Variants in FNIP1 observed in about 807,000 individuals in gnomAD.
FNIP1 encodes folliculin interacting protein 1, also known as folliculin-interacting protein 1.
Under a neutral mutation model 124.5 loss-of-function variants are expected in FNIP1, and 40 were observed. The ratio of observed to expected loss-of-function variants is 0.32; its 90% CI spans 0.25 to 0.42. FNIP1 has a LOEUF of 0.42. Among genes scored for constraint, FNIP1 ranks in the 10% least tolerant of loss-of-function variants. FNIP1 has a pLI of 1.00. For missense variants in FNIP1, 1,176 were observed against 1,403.7 expected (o/e 0.84, Z 2.59); for synonymous variants, 472 against 470.6 (o/e 1.00, Z -0.04).
Position 131,672,509 on chromosome 5 carries a change from A to C in FNIP1, c.1935T>G (p.Asp645Glu). Reference protein sequence around the residue: ...NSSKELLGISDECQMISPSDC... With the variant: ...NSSKELLGISEECQMISPSDC... ...CAGAAGGAGAAATCATCTGGCACTC[A>C]TCTGAAATTCCTAGCAGCTCCTTAG... The change falls in exon 14 of 18, where the codon GAT (aspartate) becomes GAG (glutamate). Residue 645 changes from aspartate (D) to glutamate (E), a missense_variant. By Grantham distance (45) the Asp-to-Glu change is conservative (BLOSUM62 2). Around this residue, in one of 2 missense-constraint regions of FNIP1, gnomAD observed 1,109 missense variants for 1,288.5 expected, o/e 0.86. Coordinates refer to ENST00000510461, the MANE Select transcript of FNIP1 (RefSeq NM_133372.3). The C allele has an allele frequency of 6.2e-7, 1 of 1,613,728 alleles. No homozygotes were observed. Among genetic ancestry groups the C allele is most frequent in the Non-Finnish European group, 8.5e-7 (1 of 1,180,032 alleles).
At chr5:131,734,668 T>C (rs1770225042) in intron 2 of FNIP1, among the ~76,000 whole-genome samples, 2 of 152,208 alleles carry the variant, frequency 1.3e-5, no homozygotes, top group Admixed American at 6.5e-5. Flanking sequence ...AACAGACACC[T>C]CTCAAAAGAA....
chr5:131,687,047 G>A (rs1446109790), intron 11 of FNIP1, among the ~76,000 whole-genome samples: 16 of 144,752 alleles, frequency 1.1e-4, no homozygotes, highest in African/African-American at 4.0e-4. Context: ...ATAGGTTTAT[G>A]ATGTAATTTA....
intron 1 of FNIP1, among the ~76,000 whole-genome samples, chr5:131,781,620 A>C (rs1264139425): frequency 6.6e-6 from 1 of 152,256 alleles, no homozygotes; most frequent in Non-Finnish European, 1.5e-5. Flanking sequence ...GCATGGTTTA[A>C]CTGAGTATTT....
chr5:131,693,319 CATATATATATATACATATATATAT>C (rs1370495278), intron 11 of FNIP1, among the ~76,000 whole-genome samples: 3 of 41,624 alleles, frequency 7.2e-5, no homozygotes, highest in Admixed American at 3.8e-4. Flanking sequence ...TATATATACA[CATATATATATATACATATATATAT>C]ATATATATAT....
chr5:131,679,006 A>G (rs762039049), intron 12 of FNIP1, 23 bp downstream of exon 12: 1 of 1,522,360 alleles, frequency 6.6e-7, no homozygotes, highest in Non-Finnish European at 9.0e-7. Context: ...CTAGATATCT[A>G]GTTATAATAA....
Position 131,796,964 on chromosome 5 carries a change from T to A in FNIP1, c.-43A>T. The A allele has an allele frequency of 6.5e-7, 1 of 1,539,834 alleles. No individual in the cohort carries two copies. The highest frequency in any genetic ancestry group is 8.8e-7 in the Non-Finnish European group (1 of 1,134,152). On this transcript the variant is annotated 5_prime_UTR_variant, in exon 1 of 18. Transcript: ENST00000510461. ...AGGGGTCGCTCCGCTGGGCGCTTGC[T>A]AGGCCCCTGCTCCTACAGCCGCCCC...
chr5:131,674,060 TAAAA>T (rs1402334636), intron 13 of FNIP1, among the ~76,000 whole-genome samples: 1 of 151,572 alleles, frequency 6.6e-6, no homozygotes, highest in Non-Finnish European at 1.5e-5. Flanking sequence ...TAATAAAAAA[TAAAA>T]AGAAATAAAA....
intron 2 of FNIP1, among the ~76,000 whole-genome samples, chr5:131,738,168 T>C (rs1770378566): frequency 6.6e-6 from 1 of 152,026 alleles, no homozygotes; most frequent in African/African-American, 2.4e-5. Context: ...CCAGCTTCAG[T>C]ATAGTTTTGA....
At chr5:131,747,384 C>A (rs1284665751) in intron 1 of FNIP1, among the ~76,000 whole-genome samples, 1 of 152,172 alleles carries the variant, frequency 6.6e-6, no homozygotes, top group African/African-American at 2.4e-5. Context: ...TAGTAAATGT[C>A]TGTGTGCTAG....
chr5:131,778,153 G>A (rs906569957), intron 1 of FNIP1, among the ~76,000 whole-genome samples: 1 of 151,984 alleles, frequency 6.6e-6, no homozygotes, highest in Non-Finnish European at 1.5e-5. Context: ...GAGCCTGGGA[G>A]TTCAAGATTA....
intron 11 of FNIP1, among the ~76,000 whole-genome samples, chr5:131,681,339 A>T (rs770993337): frequency 6.6e-6 from 1 of 152,166 alleles, no homozygotes; most frequent in Non-Finnish European, 1.5e-5. Context: ...CACTGCCCTG[A>T]AGTGAAGGTC....
chr5:131,748,522 T>C (rs1770760087), intron 1 of FNIP1, among the ~76,000 whole-genome samples: 1 of 151,798 alleles, frequency 6.6e-6, no homozygotes, highest in Admixed American at 6.6e-5. Context: ...TGAAACCCTG[T>C]CTCTACTAAA....
chr5:131,731,158 T>C (rs1465778499), intron 2 of FNIP1, 120 bp from the exon 3 acceptor site: 3 of 829,768 alleles, frequency 3.6e-6, no homozygotes, highest in African/African-American at 3.5e-5. Context: ...ACAACATTAA[T>C]ATGGCTATTG....
chr5:131,697,198 A>T (rs1193114758), intron 11 of FNIP1, among the ~76,000 whole-genome samples: 1 of 152,208 alleles, frequency 6.6e-6, no homozygotes, highest in Non-Finnish European at 1.5e-5. Context: ...AATAAAAAAA[A>T]TGTAGTTTTT....
chr5:131,704,167 C>G lies in FNIP1; in HGVS notation c.1014G>C (p.Leu338Phe). Reference protein sequence around the residue: ...KKIAIGVIFSLSKDEDENNKF... With the variant: ...KKIAIGVIFSFSKDEDENNKF... Reference sequence around the variant, plus strand: ...TGTTATTTTCATCTTCATCTTTGGACAATGAAAAGATTACCCCAATTGCAA... The same window carrying G: ...TGTTATTTTCATCTTCATCTTTGGAGAATGAAAAGATTACCCCAATTGCAA... Residue 338 changes from leucine to phenylalanine, a missense_variant, in exon 10 of 18, where the codon TTG (leucine) becomes TTC (phenylalanine). Coordinates refer to ENST00000510461, the MANE Select transcript of FNIP1 (RefSeq NM_133372.3). The G allele has an allele frequency of 6.2e-7, 1 of 1,612,964 alleles. No individual in the cohort carries two copies. Among genetic ancestry groups the G allele is most frequent in the Non-Finnish European group, 8.5e-7 (1 of 1,179,122 alleles).
intron 15 of FNIP1, among the ~76,000 whole-genome samples, chr5:131,659,884 T>C (rs919858399): frequency 6.6e-6 from 1 of 152,204 alleles, no homozygotes; most frequent in Non-Finnish European, 1.5e-5. Context: ...GTCATCCCAG[T>C]TGGTGATGAT....
rs568352435 is a variant in FNIP1, at chr5:131,672,008, G to A, written c.2436C>T (p.Asn812=). 4.3e-6 allele frequency: 7 copies of A among 1,614,184 alleles called. No homozygotes were observed. Among genetic ancestry groups the A allele is most frequent in the Non-Finnish European group, 5.1e-6 (6 of 1,180,026 alleles). The change falls in exon 14 of 18, where the codon AAC becomes AAT. Residue 812 remains asparagine (N), a synonymous_variant. Transcript: ENST00000510461. ...KDQSGESDTQ[N]MVSEEPCELP... is the part of the protein sequence containing the mutation. ...GTTCACAGGGCTCTTCAGAAACCAT[G>A]TTCTGTGTATCAGACTCTCCAGATT... is the stretch of plus-strand genomic sequence containing the variant.
At chr5:131,715,592 CTT>C (rs1222867461) in intron 6 of FNIP1, among the ~76,000 whole-genome samples, 1 of 152,076 alleles carries the variant, frequency 6.6e-6, no homozygotes, top group Non-Finnish European at 1.5e-5. Flanking sequence ...TTCGTTATTT[CTT>C]TGTCACATTT....
chr5:131,732,668 T>TGC lies in FNIP1; in HGVS notation c.220-1631_220-1630insGC, dbSNP rs1380685772. Reference sequence around the variant, plus strand: ...TGTGTGGTATTATTTCTGAGGGCTCTTTACTGTTCCATTGGTCTGTATCTC... The same window carrying TGC: ...TGTGTGGTATTATTTCTGAGGGCTCTGCTTACTGTTCCATTGGTCTGTATCTC... On this transcript the variant is annotated intron_variant, in intron 2 of 17. Transcript: ENST00000510461. 9.5e-3 allele frequency among the ~76,000 whole-genome samples: 1,446 copies of TGC among 152,342 alleles called. 25 individuals carry two copies. Among genetic ancestry groups the TGC allele is most frequent in the African/African-American group, 0.033 (1,375 of 41,574 alleles).
Sources: allele counts gnomAD v4.1 joint callset (sites outside exome capture counted in the v4.1 genomes callset), GRCh38; gene constraint gnomAD v4.1.1; regional missense constraint gnomAD v4.1.1; transcripts MANE v1.5; gene names NCBI Gene and HGNC (gene_info 2026-07-23, HGNC 2026-07-21).